The following SIN3B variants were observed in gnomAD, a reference collection of about 807,000 sequenced individuals.
SIN3B encodes paired amphipathic helix protein Sin3b.
SIN3B carries 19 observed loss-of-function variants against 120.2 expected under a neutral mutation model. That is an observed-to-expected ratio of 0.16 (90% CI 0.11 to 0.23). SIN3B has a LOEUF of 0.23. Ranked by LOEUF, SIN3B falls within the 10% of genes least tolerant of loss-of-function variation. The pLI is 1.00. For synonymous variants in SIN3B, 654 were observed against 653.2 expected, an observed-to-expected ratio of 1.00 and a Z score of -0.02; for missense variants, 1,073 against 1,573.0, an observed-to-expected ratio of 0.68 and a Z score of 5.38.
intron 4 of SIN3B, among the ~76,000 whole-genome samples, chr19:16,843,413 G>A (rs540514383): frequency 3.9e-5 from 6 of 152,340 alleles, no homozygotes; most frequent in Admixed American, 3.9e-4. Flanking sequence ...CACCGTGCTG[G>A]CATCATCATG....
Position 16,880,177 on chromosome 19 carries a change from A to G in SIN3B, c.*1450A>G, listed in dbSNP as rs939193782. The G allele has an allele frequency of 2.6e-5, 4 of 151,480 alleles. No individual in the cohort carries two copies. Among genetic ancestry groups the G allele is most frequent in the Admixed American group, 1.3e-4 (2 of 15,232 alleles). 9.4% of individuals were successfully genotyped at this position (151,480 alleles called of 1,614,324 possible). A position where few individuals can be genotyped will look rare whatever the true frequency, so the allele number is the denominator to read the frequency against. On this transcript the variant is annotated 3_prime_UTR_variant, in exon 19 of 19. Coordinates refer to ENST00000248054, the MANE Select transcript of SIN3B (RefSeq NM_001297595.2). ...ACCTGGGCCCCGGGTGCAGCCGGAG[A>G]CCCCGCCGAGCCCCTCCTCCCAGTA... is the stretch of plus-strand genomic sequence containing the variant.
chr19:16,862,201 A>T lies in SIN3B; in HGVS notation c.1059-151A>T. On this transcript the variant is annotated intron_variant, in intron 8 of 18. Coordinates refer to ENST00000248054, the MANE Select transcript of SIN3B (RefSeq NM_001297595.2). This position sits in a 1 kb window ranked among gnomAD's most constrained non-coding sequence, Gnocchi z 4.7. ...CGGGACTTGCAGTGACTTCCTGTGT[A>T]TTGGATTCTTCCGCCTCTCATTCGC... 1 of 652,356 alleles carries T rather than the reference A, an allele frequency of 1.5e-6. No individual in the cohort carries two copies. Among genetic ancestry groups the T allele is most frequent in the Non-Finnish European group, 2.6e-6 (1 of 379,926 alleles). The allele number at this position is 652,356 out of a possible 1,614,324, so 40.4% of individuals were successfully genotyped here.
intron 14 of SIN3B, among the ~76,000 whole-genome samples, chr19:16,873,041 G>GAA (rs2051532779): frequency 1.3e-5 from 2 of 152,072 alleles, no homozygotes; most frequent in Admixed American, 1.3e-4. Context: ...CGTTTCCTGG[G>GAA]TCACTCGTAC....
chr19:16,838,970 CTTTTTT>C (rs34648986), intron 3 of SIN3B, among the ~76,000 whole-genome samples: 2 of 86,600 alleles, frequency 2.3e-5, no homozygotes, highest in South Asian at 8.7e-4. Flanking sequence ...CCGCGCCTGG[CTTTTTT>C]TTTTTTTTTT....
chr19:16,841,975 A>G lies in SIN3B; in HGVS notation c.582+7A>G, dbSNP rs1264503426. ...GATCCTGCACACGTACCAGGTAAGA[A>G]CTCAGATTACAATTCCTTGTGGGTT... On this transcript the variant is annotated splice_region_variant and intron_variant, in intron 4 of 18. Coordinates refer to ENST00000248054, the MANE Select transcript of SIN3B (RefSeq NM_001297595.2). 1.2e-6 allele frequency: 2 copies of G among 1,609,492 alleles called. No homozygotes were observed. Among genetic ancestry groups the G allele is most frequent in the East Asian group, 4.5e-5 (2 of 44,840 alleles).
chr19:16,847,044 C>A lies in SIN3B; in HGVS notation c.657C>A (p.Asn219Lys). 1.2e-6 allele frequency: 2 copies of A among 1,614,198 alleles called. No homozygotes were observed. Among genetic ancestry groups the A allele is most frequent in the Non-Finnish European group, 1.7e-6 (2 of 1,180,016 alleles). Residue 219 changes from asparagine (N) to lysine (K), a missense_variant, in exon 5 of 19, where the codon AAC (asparagine) becomes AAA (lysine). Asn to Lys is a moderately conservative substitution (Grantham distance 94). Around this residue, in one of 7 missense-constraint regions of SIN3B, gnomAD observed 395 missense variants for 528.0 expected, o/e 0.75. Transcript: ENST00000248054. Reference protein sequence around the residue: ...SEEEVFTEVANLFRGQEDLLS... With the variant: ...SEEEVFTEVAKLFRGQEDLLS... ...AGGAGGTGTTCACCGAGGTGGCCAA[C>A]CTCTTCCGGGGCCAGGAGGACCTGC...
At chr19:16,867,332 C>CG (rs1159340657) in intron 12 of SIN3B, among the ~76,000 whole-genome samples, 1 of 152,166 alleles carries the variant, frequency 6.6e-6, no homozygotes, top group Non-Finnish European at 1.5e-5. Context: ...TCATTGGGTT[C>CG]GAGGCTTTCG....
At chr19:16,871,172 C>A in intron 13 of SIN3B, 57 bp from the exon 14 acceptor site, 1 of 1,607,242 alleles carries the variant, frequency 6.2e-7, no homozygotes, top group South Asian at 1.1e-5. Flanking sequence ...CAGAGTTTGG[C>A]CTGCGTGACT....
At chr19:16,836,288 G>A (rs578253778) in intron 3 of SIN3B, among the ~76,000 whole-genome samples, 1 of 152,242 alleles carries the variant, frequency 6.6e-6, no homozygotes, top group South Asian at 2.1e-4. Context: ...TTGAGAACAC[G>A]AGTCTAAAGG....
In SIN3B at chr19:16,866,222, A is replaced by G; in HGVS notation, c.1623-151A>G. 16 of 700,076 alleles carry G rather than the reference A, an allele frequency of 2.3e-5. No homozygotes were observed. The South Asian group carries it at 3.3e-4, about 14-fold the overall frequency. 43.4% of individuals were successfully genotyped at this position (700,076 alleles called of 1,614,324 possible). A position where few individuals can be genotyped will look rare whatever the true frequency, so the allele number is the denominator to read the frequency against. ...CCATCACGCCCTCCCTCTGACGTGC[A>G]CAGAGCCCACTGCACAGACTAGGCT... is the stretch of plus-strand genomic sequence containing the variant. On this transcript the variant is annotated intron_variant, in intron 11 of 18. Coordinates refer to ENST00000248054, the MANE Select transcript of SIN3B (RefSeq NM_001297595.2).
At chr19:16,834,988 A>G (rs1971328056) in intron 3 of SIN3B, among the ~76,000 whole-genome samples, 1 of 149,410 alleles carries the variant, frequency 6.7e-6, no homozygotes, top group Admixed American at 6.7e-5. Flanking sequence ...GTGCAATGAC[A>G]CAATCTCGAC....
intron 6 of SIN3B, among the ~76,000 whole-genome samples, chr19:16,852,289 G>GT (rs1390477141): frequency 6.6e-6 from 1 of 152,036 alleles, no homozygotes; most frequent in Non-Finnish European, 1.5e-5. Context: ...TCTTTCTCCT[G>GT]TGGGGGGATG....
chr19:16,844,171 C>G (rs562463861), intron 4 of SIN3B: 1 of 152,368 alleles, frequency 6.6e-6, no homozygotes, highest in East Asian at 1.9e-4. Context: ...TAAACAAGGC[C>G]CCTGGTGACT....
chr19:16,831,767 TC>T (rs1971281949), intron 3 of SIN3B, 120 bp downstream of exon 3: 1 of 821,056 alleles, frequency 1.2e-6, no homozygotes, highest in Non-Finnish European at 2.0e-6. Flanking sequence ...CTGTTCTTTT[TC>T]TAGACGTGCT....
chr19:16,838,333 T>C (rs1010066806), intron 3 of SIN3B, among the ~76,000 whole-genome samples: 4 of 152,068 alleles, frequency 2.6e-5, no homozygotes, highest in African/African-American at 9.7e-5. Flanking sequence ...ACCCTGAACC[T>C]CCTAATTCTC....
At position 16,878,479 on chromosome 19, in the gene SIN3B, A is replaced by G. The variant is rs780727291; in HGVS notation, c.3163-18A>G. 13 of 1,562,028 alleles carry G rather than the reference A, an allele frequency of 8.3e-6. 1 individual carries two copies. The South Asian group carries it at 9.4e-5, about 11-fold the overall frequency. ...GGGTCCAGCCCTCAGCTGCCCTGACACCCGGCCTCTTCAACAGGTGCAGCC... is the reference window on the plus strand; with the variant it reads ...GGGTCCAGCCCTCAGCTGCCCTGACGCCCGGCCTCTTCAACAGGTGCAGCC... On this transcript the variant is annotated intron_variant, in intron 18 of 18. Coordinates refer to ENST00000248054, the MANE Select transcript of SIN3B (RefSeq NM_001297595.2).
Position 16,869,633 on chromosome 19 carries a change from C to G in SIN3B, c.1980C>G (p.His660Gln). 1.2e-6 allele frequency: 2 copies of G among 1,613,628 alleles called. No individual in the cohort carries two copies. Among genetic ancestry groups the G allele is most frequent in the Non-Finnish European group, 1.7e-6 (2 of 1,180,036 alleles). Residue 660 changes from histidine (H) to glutamine (Q), a missense_variant, in exon 13 of 19, where the codon CAC becomes CAG. By Grantham distance (24) the His-to-Gln change is conservative. Coordinates refer to ENST00000248054, the MANE Select transcript of SIN3B (RefSeq NM_001297595.2). The part of the protein sequence containing the change: ...EDQGTIHQLL[H>Q]QFVPSLFFSQ... ...AGGGCACCATCCACCAGCTGCTGCA[C>G]CAGTTCGTGCCCAGCCTCTTCTTCT...
At chr19:16,877,285 C>T in intron 16 of SIN3B, 1 of 501,146 alleles carries the variant, frequency 2.0e-6, no homozygotes, top group Non-Finnish European at 3.6e-6. Flanking sequence ...ATCCTTCCTG[C>T]TCTTCCAGCT....
At chr19:16,855,370 T>TGGCCC in intron 8 of SIN3B, 1 of 52,966 alleles carries the variant, frequency 1.9e-5, no homozygotes, top group Non-Finnish European at 3.6e-5. Flanking sequence ...GGAGAAACCT[T>TGGCCC]CCCCCCCCCC....
Sources: gnomAD v4.1 joint callset for allele counts (sites outside exome capture counted in the v4.1 genomes callset) on GRCh38, gnomAD v4.1.1 for gene constraint, gnomAD v4.1.1 regional missense constraint, Gnocchi (gnomAD v3.1) non-coding constraint, MANE v1.5 for transcripts, NCBI Gene and HGNC (gene_info 2026-07-23, HGNC 2026-07-21) for gene names.